The following PITPNC1 variants were observed in gnomAD, a reference collection of about 807,000 sequenced individuals.
The protein encoded by PITPNC1 is cytoplasmic phosphatidylinositol transfer protein 1.
Under a neutral mutation model 44.7 loss-of-function variants are expected in PITPNC1, and 18 were observed. The observed-to-expected ratio is 0.40, with a 90% confidence interval of 0.28 to 0.60. PITPNC1 has a LOEUF of 0.60. Among genes scored for constraint, PITPNC1 ranks in the 20% least tolerant of loss-of-function variants. PITPNC1 has a pLI of 0.39. For synonymous variants in PITPNC1, 141 were observed against 149.6 expected, an observed-to-expected ratio of 0.94 and a Z score of 0.42; for missense variants, 290 against 418.4, an observed-to-expected ratio of 0.69 and a Z score of 2.68.
chr17:67,647,487 T>G (rs1348550403), intron 6 of PITPNC1, among the ~76,000 whole-genome samples: 9 of 124,266 alleles, frequency 7.2e-5, no homozygotes, highest in Admixed American at 1.6e-4. Flanking sequence ...TTTTTTTTTT[T>G]TTTTTTGTAG....
chr17:67,558,839 C>CT (rs778879042), intron 4 of PITPNC1, among the ~76,000 whole-genome samples: 5 of 152,220 alleles, frequency 3.3e-5, no homozygotes, highest in Middle Eastern at 3.4e-3. Context: ...TGAAATGACT[C>CT]TTTCATGAGA....
chr17:67,578,519 G>C (rs139182356), intron 5 of PITPNC1, among the ~76,000 whole-genome samples: 10 of 152,350 alleles, frequency 6.6e-5, no homozygotes, highest in African/African-American at 2.4e-4. Context: ...TGATTGTCAT[G>C]GAGGTGGAGA....
intron 4 of PITPNC1, among the ~76,000 whole-genome samples, chr17:67,556,246 C>T (rs958175110): frequency 7.9e-5 from 12 of 152,078 alleles, no homozygotes. Context: ...GCTACAGTCC[C>T]CAATGTGGGA....
In PITPNC1 at chr17:67,508,465, C is replaced by T. The variant is rs552517721; in HGVS notation, c.49-24337C>T. The stretch of plus-strand genomic sequence containing the variant: ...GGTGGGAGTGTAGCAGTGAGGACGA[C>T]CAGAGGTCACTCCTGTCGCCATCTT... On this transcript the variant is annotated intron_variant, in intron 1 of 8. Coordinates refer to ENST00000581322, the MANE Select transcript of PITPNC1 (RefSeq NM_012417.4). The surrounding 1 kb of genome is among the most constrained non-coding windows in gnomAD (Gnocchi z 4.2). Among the ~76,000 whole-genome samples, 1 of 152,260 alleles carries T rather than the reference C, an allele frequency of 6.6e-6. No homozygotes were observed. Among genetic ancestry groups the T allele is most frequent in the South Asian group, 2.1e-4 (1 of 4,812 alleles).
chr17:67,491,154 C>CCCGGAG (rs1641073680), intron 1 of PITPNC1, among the ~76,000 whole-genome samples: 1 of 152,242 alleles, frequency 6.6e-6, no homozygotes, highest in Admixed American at 6.5e-5. Context: ...GCCTCTGGAG[C>CCCGGAG]CCGGAGCCGG....
intron 8 of PITPNC1, among the ~76,000 whole-genome samples, 156 bp from the exon 9 acceptor site, chr17:67,692,416 G>A (rs1445325847): frequency 6.6e-6 from 1 of 152,120 alleles, no homozygotes; most frequent in African/African-American, 2.4e-5. Flanking sequence ...AAAAAATTGG[G>A]GGTTTGGTAT....
chr17:67,615,341 G>T (rs892249617), intron 5 of PITPNC1, among the ~76,000 whole-genome samples: 1 of 152,200 alleles, frequency 6.6e-6, no homozygotes, highest in African/African-American at 2.4e-5. Flanking sequence ...TGCCCAGAGA[G>T]GCTCACCAGG....
intron 5 of PITPNC1, among the ~76,000 whole-genome samples, chr17:67,591,878 T>A (rs1234639624): frequency 7.0e-6 from 1 of 142,682 alleles, no homozygotes; most frequent in African/African-American, 2.7e-5. Context: ...CCCAGCTAAT[T>A]TTTTTTTTTT....
intron 6 of PITPNC1, among the ~76,000 whole-genome samples, chr17:67,645,635 A>T (rs2042140781): frequency 6.6e-6 from 1 of 152,164 alleles, no homozygotes; most frequent in Admixed American, 6.6e-5. Flanking sequence ...CCATTCCCCG[A>T]TTGTGAGAGA....
intron 1 of PITPNC1, among the ~76,000 whole-genome samples, chr17:67,489,965 A>G (rs2039838969): frequency 6.6e-6 from 1 of 152,110 alleles, no homozygotes; most frequent in Non-Finnish European, 1.5e-5. Context: ...GCTGGTCTCG[A>G]ACCTCAAGTG....
At chr17:67,554,988 A>G (rs1760201836) in intron 4 of PITPNC1, among the ~76,000 whole-genome samples, 1 of 152,248 alleles carries the variant, frequency 6.6e-6, no homozygotes, top group Non-Finnish European at 1.5e-5. Context: ...TGGTAATTAT[A>G]TCCCATCATA....
rs1568047752 is a variant in PITPNC1 at position 67,575,823 on chromosome 17, C to CT, written c.295-2361dup. Among the ~76,000 whole-genome samples the CT allele has an allele frequency of 3.5e-3, 219 of 63,398 alleles. 2 individuals carry two copies. The highest frequency in any genetic ancestry group is 0.011 in the African/African-American group (203 of 18,430). 41.6% of individuals were successfully genotyped at this position (63,398 alleles called of 152,430 possible). On this transcript the variant is annotated intron_variant, in intron 4 of 8. Coordinates refer to ENST00000581322, the MANE Select transcript of PITPNC1 (RefSeq NM_012417.4). ...CTTTCTTTCTTTCTTTCTTTCTTTC[C>CT]TTCCTTCCTTCCTTCCTTCTTTCTT...
In PITPNC1 at chr17:67,696,029, A is replaced by G. The variant is rs1054378597; in HGVS notation, c.*3141A>G. 2 of 152,238 alleles carry G rather than the reference A, an allele frequency of 1.3e-5. No individual in the cohort carries two copies. Among genetic ancestry groups the G allele is most frequent in the African/African-American group, 4.8e-5 (2 of 41,466 alleles). The allele number at this position is 152,238 out of a possible 1,614,324, so 9.4% of individuals were successfully genotyped here. On this transcript the variant is annotated 3_prime_UTR_variant, in exon 9 of 9. Coordinates refer to ENST00000581322, the MANE Select transcript of PITPNC1 (RefSeq NM_012417.4). ...TTTTAGTTGCCACCGTTGTAACTCA[A>G]ACAATATGGGTTTGTTGGTGAACTG...
intron 8 of PITPNC1, among the ~76,000 whole-genome samples, chr17:67,685,304 G>A (rs934083053): frequency 1.3e-5 from 2 of 152,202 alleles, no homozygotes; most frequent in Non-Finnish European, 2.9e-5. Context: ...CATTGCTTAT[G>A]GACCGCATTT....
At chr17:67,555,790 G>T (rs971950006) in intron 4 of PITPNC1, among the ~76,000 whole-genome samples, 1 of 152,076 alleles carries the variant, frequency 6.6e-6, no homozygotes, top group Non-Finnish European at 1.5e-5. Context: ...GTTGCAGTGA[G>T]CTGAGATCAC....
chr17:67,605,059 A>G (rs1036262072), intron 5 of PITPNC1, among the ~76,000 whole-genome samples: 1 of 152,212 alleles, frequency 6.6e-6, no homozygotes, highest in African/African-American at 2.4e-5. Flanking sequence ...AGCCAGGGCA[A>G]CAGGGTGAGA....
At chr17:67,626,227 C>G (rs1464791877) in intron 5 of PITPNC1, among the ~76,000 whole-genome samples, 1 of 152,050 alleles carries the variant, frequency 6.6e-6, no homozygotes, top group African/African-American at 2.4e-5. Flanking sequence ...CTTAAGCCAT[C>G]CTTGCACTTT....
At chr17:67,681,272 A>AAACAAAGCTAAAAGACTACAGGAAAATCC (rs2042699796) in intron 8 of PITPNC1, among the ~76,000 whole-genome samples, 2 of 152,162 alleles carry the variant, frequency 1.3e-5, no homozygotes. Context: ...TTTGCTGCAT[A>AAACAAAGCTAAAAGACTACAGGAAAATCC]TGTAGTCAAC....
intron 2 of PITPNC1, among the ~76,000 whole-genome samples, chr17:67,550,939 TAG>T (rs1391698380): frequency 6.6e-6 from 1 of 152,046 alleles, no homozygotes; most frequent in Non-Finnish European, 1.5e-5. Flanking sequence ...CTGGCGCCTG[TAG>T]TCCCAGCTAC....
Sources: gnomAD v4.1 joint callset for allele counts (sites outside exome capture counted in the v4.1 genomes callset) on GRCh38, gnomAD v4.1.1 for gene constraint, Gnocchi (gnomAD v3.1) non-coding constraint, MANE v1.5 for transcripts, NCBI Gene and HGNC (gene_info 2026-07-23, HGNC 2026-07-21) for gene names.